CACNA1C: variants seen among roughly 807,000 people sequenced by gnomAD.
CACNA1C encodes the protein voltage-dependent L-type calcium channel subunit alpha-1C.
In CACNA1C, 30 loss-of-function variants were observed where a neutral mutation model predicts 229.0. The ratio of observed to expected loss-of-function variants is 0.13; its 90% CI spans 0.10 to 0.18. The LOEUF (loss-of-function observed/expected upper bound fraction) is 0.18. Among genes scored for constraint, CACNA1C ranks in the 10% least tolerant of loss-of-function variants. The pLI is 1.00. For missense variants in CACNA1C, 1,658 were observed against 2,845.0 expected (o/e 0.58, Z 9.49); for synonymous variants, 1,114 against 1,132.5 (o/e 0.98, Z 0.33).
At chr12:2,278,241 A>G (rs2089699593) in intron 3 of CACNA1C, among the ~76,000 whole-genome samples, 1 of 152,216 alleles carries the variant, frequency 6.6e-6, no homozygotes, top group South Asian at 2.1e-4. Context: ...CTATTGTTCT[A>G]TGAATTTTTA....
At chr12:2,147,476 G>C (rs1019530613) in intron 3 of CACNA1C, among the ~76,000 whole-genome samples, 1 of 151,302 alleles carries the variant, frequency 6.6e-6, no homozygotes, top group African/African-American at 2.4e-5. Flanking sequence ...TTGGGGCTTT[G>C]CCAGAATTAT....
intron 3 of CACNA1C, among the ~76,000 whole-genome samples, chr12:2,204,134 G>A (rs919977022): frequency 2.6e-5 from 4 of 151,914 alleles, no homozygotes; most frequent in African/African-American, 9.7e-5. Flanking sequence ...ACTTTTTAAT[G>A]ATCGCCATTC....
rs2097853322 is a variant in CACNA1C at position 2,697,849 on chromosome 12, T to C, written c.*6650T>C. Reference sequence around the variant, plus strand: ...TCTCTGTGTGAGACACTATTGTATATTCCTGTAAGATTGCATTTTTATCTA... The same window carrying C: ...TCTCTGTGTGAGACACTATTGTATACTCCTGTAAGATTGCATTTTTATCTA... On this transcript the variant is annotated 3_prime_UTR_variant, in exon 47 of 47. Coordinates refer to ENST00000399655, the MANE Select transcript of CACNA1C (RefSeq NM_000719.7). 6.6e-6 allele frequency: 1 copy of C among 152,648 alleles called. No homozygotes were observed. The highest frequency in any genetic ancestry group is 2.4e-5 in the African/African-American group (1 of 41,450). 9.5% of individuals were successfully genotyped at this position (152,648 alleles called of 1,614,324 possible). A position where few individuals can be genotyped will look rare whatever the true frequency, so the allele number is the denominator to read the frequency against.
At chr12:2,154,768 C>T (rs550660711) in intron 3 of CACNA1C, among the ~76,000 whole-genome samples, 2 of 152,220 alleles carry the variant, frequency 1.3e-5, no homozygotes, top group East Asian at 1.9e-4. Context: ...AATGTCTGAT[C>T]GGAGAGTTTA....
chr12:2,465,943 T>C (rs1392942030), intron 5 of CACNA1C, among the ~76,000 whole-genome samples: 1 of 152,050 alleles, frequency 6.6e-6, no homozygotes, highest in Non-Finnish European at 1.5e-5. Context: ...CACCAAACAC[T>C]CTTTTTTAAA....
rs563308943 is a variant in CACNA1C at position 2,501,341 on chromosome 12, CT to C, written c.1114-3500del. 9.8e-5 allele frequency among the ~76,000 whole-genome samples: 15 copies of C among 152,294 alleles called. No homozygotes were observed. In the East Asian group the frequency reaches 2.1e-3, roughly 22 times the overall value. ...CTACAAGGACACCCACAGGCTCCCC[CT>C]GACCTTGGATCCAGGTTTCCCTCTT... On this transcript the variant is annotated intron_variant, in intron 7 of 46. Coordinates refer to ENST00000399655, the MANE Select transcript of CACNA1C (RefSeq NM_000719.7).
rs1211062881 is a variant in CACNA1C, at chr12:2,457,645, T to C, written c.696T>C (p.Asp232=). ...NALGGKGAGF[D]VKALRAFRVL... ...TCGGAGGGAAAGGGGCCGGATTTGA[T>C]GTGAAGGCGCTGAGGGCCTTCCGCG... The change falls in exon 5 of 47, where the codon GAT becomes GAC. Residue 232 remains aspartate, a synonymous_variant. Coordinates refer to ENST00000399655, the MANE Select transcript of CACNA1C (RefSeq NM_000719.7). 6.2e-7 allele frequency: 1 copy of C among 1,612,648 alleles called. No homozygotes were observed. The highest frequency in any genetic ancestry group is 1.1e-5 in the South Asian group (1 of 90,926).
In CACNA1C at chr12:2,682,696, C is replaced by T. The variant is rs762068854; in HGVS notation, c.5573+18C>T. On this transcript the variant is annotated intron_variant, in intron 43 of 46. Coordinates refer to ENST00000399655, the MANE Select transcript of CACNA1C (RefSeq NM_000719.7). Reference sequence around the variant, plus strand: ...ACAGAGATGTGAGCTCTGCTGCCCTCTGCTGAGGCTGACCCAAGTGTGGGA... The same window carrying T: ...ACAGAGATGTGAGCTCTGCTGCCCTTTGCTGAGGCTGACCCAAGTGTGGGA... The T allele has an allele frequency of 1.2e-6, 2 of 1,604,232 alleles. No homozygotes were observed. The highest frequency in any genetic ancestry group is 3.4e-5 in the Admixed American group (2 of 59,546).
intron 3 of CACNA1C, among the ~76,000 whole-genome samples, chr12:2,144,447 A>G (rs974747969): frequency 6.6e-6 from 1 of 151,330 alleles, no homozygotes; most frequent in Admixed American, 6.6e-5. Flanking sequence ...TCATTCAACA[A>G]TTACCTATCG....
upstream of CACNA1C, chr12:2,049,297 T>C (rs1169820071): frequency 6.6e-6 from 1 of 152,126 alleles, no homozygotes; most frequent in East Asian, 1.9e-4. Context: ...ACCGGTAAAA[T>C]GTGGATAAAA....
At chr12:2,340,205 A>T (rs1197095786) in intron 3 of CACNA1C, among the ~76,000 whole-genome samples, 2 of 152,258 alleles carry the variant, frequency 1.3e-5, no homozygotes, top group Non-Finnish European at 2.9e-5. Flanking sequence ...TAACATATAT[A>T]TGTAAAATAA....
At chr12:2,540,486 G>A (rs985157312) in intron 9 of CACNA1C, among the ~76,000 whole-genome samples, 15 of 152,062 alleles carry the variant, frequency 9.9e-5, no homozygotes, top group Non-Finnish European at 2.2e-4. Context: ...ACTTTTTCTA[G>A]AAAGGGCCAG....
At chr12:2,642,944 C>T (rs926218967) in intron 30 of CACNA1C, among the ~76,000 whole-genome samples, 6 of 152,192 alleles carry the variant, frequency 3.9e-5, no homozygotes, top group African/African-American at 1.4e-4. Flanking sequence ...AACAGTGAGA[C>T]CCTGAGGCTT....
intron 1 of CACNA1C, among the ~76,000 whole-genome samples, chr12:2,058,216 T>C (rs2056004976): frequency 6.6e-6 from 1 of 152,238 alleles, no homozygotes; most frequent in Admixed American, 6.5e-5. Flanking sequence ...GGCAGCACTT[T>C]CTTCCTTTTA....
rs1044738251 is a variant in CACNA1C, at chr12:2,493,482, G to C, written c.1113+96G>C. On this transcript the variant is annotated intron_variant, in intron 7 of 46. Coordinates refer to ENST00000399655, the MANE Select transcript of CACNA1C (RefSeq NM_000719.7). This position sits in a 1 kb window ranked among gnomAD's most constrained non-coding sequence, Gnocchi z 4.6. ...TTCTCCTCCTCCCCATGGTCTTGGG[G>C]TCACATACGCATCTTGATGGAATGG... 3 of 885,258 alleles carry C rather than the reference G, an allele frequency of 3.4e-6. No individual in the cohort carries two copies. In the African/African-American group the frequency reaches 4.9e-5, roughly 15 times the overall value. The allele number at this position is 885,258 out of a possible 1,614,324, so 54.8% of individuals were successfully genotyped here.
chr12:2,142,030 G>T (rs2094267114), intron 3 of CACNA1C, among the ~76,000 whole-genome samples: 1 of 151,140 alleles, frequency 6.6e-6, no homozygotes, highest in Non-Finnish European at 1.5e-5. Flanking sequence ...ACAAGACTCT[G>T]TATTGGGGAG....
chr12:2,122,421 G>C (rs1032047179), intron 3 of CACNA1C, among the ~76,000 whole-genome samples: 7 of 152,152 alleles, frequency 4.6e-5, no homozygotes, highest in African/African-American at 1.7e-4. Flanking sequence ...AAGGTGGGGG[G>C]TGGCATCAGA....
rs374863121 is a variant in CACNA1C at position 2,679,636 on chromosome 12, G to C, written c.5284G>C (p.Gly1762Arg). The C allele has an allele frequency of 3.8e-5, 62 of 1,613,748 alleles. 1 individual carries two copies. In the South Asian group the frequency reaches 5.1e-4, roughly 13 times the overall value. Residue 1762 changes from glycine (G) to arginine (R), a missense_variant, in exon 42 of 47, where the codon GGC becomes CGC. Around this residue, in one of 20 missense-constraint regions of CACNA1C, gnomAD observed 590 missense variants for 700.8 expected, o/e 0.84. Transcript: ENST00000399655. The surrounding 1 kb of genome is among the most constrained non-coding windows in gnomAD (Gnocchi z 5.5). Reference protein sequence around the residue: ...TFTPSSYSSTGSNANINNANN... With the variant: ...TFTPSSYSSTRSNANINNANN... ...CACCCCGAGCAGCTACTCGTCCACC[G>C]GCTCCAACGCCAACATCAACAACGC...
At chr12:2,056,834 C>G (rs1348969281) in intron 1 of CACNA1C, among the ~76,000 whole-genome samples, 2 of 152,052 alleles carry the variant, frequency 1.3e-5, no homozygotes, top group Non-Finnish European at 2.9e-5. Context: ...TAAAAAGAGT[C>G]AATTTTTCAT....
Sources: gnomAD v4.1 joint callset for allele counts (sites outside exome capture counted in the v4.1 genomes callset) on GRCh38, gnomAD v4.1.1 for gene constraint, gnomAD v4.1.1 regional missense constraint, Gnocchi (gnomAD v3.1) non-coding constraint, MANE v1.5 for transcripts, NCBI Gene and HGNC (gene_info 2026-07-23, HGNC 2026-07-21) for gene names.